Variants in ARHGAP15 observed in about 807,000 individuals in gnomAD.
ARHGAP15 encodes the protein Rho GTPase activating protein 15, also known as rho GTPase-activating protein 15.
ARHGAP15 carries 51 observed loss-of-function variants against 63.7 expected under a neutral mutation model. The ratio of observed to expected loss-of-function variants is 0.80; its 90% CI spans 0.64 to 1.01. ARHGAP15 has a LOEUF of 1.01. Ranked by LOEUF, ARHGAP15 falls within the 50% of genes least tolerant of loss-of-function variation. The pLI is 0.00. For missense variants in ARHGAP15, 560 were observed against 564.6 expected, an observed-to-expected ratio of 0.99 and a Z score of 0.08; for synonymous variants, 191 against 193.8, an observed-to-expected ratio of 0.99 and a Z score of 0.12.
rs553960698 is a variant in ARHGAP15 at position 143,284,605 on chromosome 2, G to A, written c.474+34005G>A. Among the ~76,000 whole-genome samples, 9 of 152,268 alleles carry A rather than the reference G, an allele frequency of 5.9e-5. No homozygotes were observed. In the South Asian group the frequency reaches 1.0e-3, roughly 18 times the overall value. On this transcript the variant is annotated intron_variant, in intron 6 of 13. Coordinates refer to ENST00000295095, the MANE Select transcript of ARHGAP15 (RefSeq NM_018460.4). ...ACAGATAACCCAAAAGAATGGAGCC[G>A]TTCCAGTGCGTCACAAGACTTTAGG...
At chr2:143,550,927 T>G (rs1695533846) in intron 10 of ARHGAP15, among the ~76,000 whole-genome samples, 1 of 151,774 alleles carries the variant, frequency 6.6e-6, no homozygotes. Flanking sequence ...GAAGTAAGAG[T>G]AAATATACTG....
At chr2:143,482,885 C>T (rs909788925) in intron 8 of ARHGAP15, among the ~76,000 whole-genome samples, 4 of 152,104 alleles carry the variant, frequency 2.6e-5, no homozygotes, top group Non-Finnish European at 5.9e-5. Context: ...CTTCTTAGAA[C>T]AAAATGAGTG....
chr2:143,667,856 C>T (rs1682305366), intron 12 of ARHGAP15, among the ~76,000 whole-genome samples: 1 of 151,904 alleles, frequency 6.6e-6, no homozygotes, highest in South Asian at 2.1e-4. Flanking sequence ...GGCTTGGTGG[C>T]ATGTGCCTGT....
chr2:143,432,926 C>G (rs1689450070), intron 6 of ARHGAP15, among the ~76,000 whole-genome samples: 1 of 151,938 alleles, frequency 6.6e-6, no homozygotes, highest in Non-Finnish European at 1.5e-5. Context: ...TAAGTTCTTC[C>G]TTCATCCCCT....
intron 13 of ARHGAP15, among the ~76,000 whole-genome samples, chr2:143,738,547 C>A (rs537056256): frequency 2.0e-5 from 3 of 152,214 alleles, no homozygotes; most frequent in Non-Finnish European, 4.4e-5. Context: ...ATCATGGAGA[C>A]TAACTGATCA....
intron 5 of ARHGAP15, chr2:143,238,433 C>A (rs1693737890): frequency 6.6e-6 from 1 of 151,992 alleles, no homozygotes; most frequent in Non-Finnish European, 1.5e-5. Context: ...AGCCAAAAAA[C>A]ATGAAAAAAA....
intron 6 of ARHGAP15, among the ~76,000 whole-genome samples, chr2:143,391,735 G>C (rs1001865636): frequency 2.6e-5 from 4 of 152,146 alleles, no homozygotes; most frequent in Non-Finnish European, 5.9e-5. Context: ...CCCTGAGAAG[G>C]AAGACTTGGA....
At chr2:143,679,109 G>A (rs1208910252) in intron 12 of ARHGAP15, among the ~76,000 whole-genome samples, 1 of 149,888 alleles carries the variant, frequency 6.7e-6, no homozygotes, top group Non-Finnish European at 1.5e-5. Flanking sequence ...ATCAGAATAG[G>A]TCAACCTATA....
At chr2:143,373,520 C>CT (rs1351391755) in intron 6 of ARHGAP15, among the ~76,000 whole-genome samples, 1 of 149,588 alleles carries the variant, frequency 6.7e-6, no homozygotes, top group Admixed American at 6.7e-5. Context: ...GTCCCAGCTG[C>CT]TTGGGAGGCT....
At chr2:143,331,772 ATT>A (rs1297377894) in intron 6 of ARHGAP15, among the ~76,000 whole-genome samples, 5 of 152,152 alleles carry the variant, frequency 3.3e-5, no homozygotes, top group African/African-American at 1.2e-4. Context: ...ATGGCTGGAT[ATT>A]TTAGCAGTAG....
At chr2:143,712,817 C>A (rs1399380280) in intron 13 of ARHGAP15, among the ~76,000 whole-genome samples, 27 of 130,712 alleles carry the variant, frequency 2.1e-4, no homozygotes, top group African/African-American at 7.6e-4. Flanking sequence ...AAAAAAAAAA[C>A]CCACAGGAAT....
At chr2:143,330,349 T>C (rs1684492321) in intron 6 of ARHGAP15, among the ~76,000 whole-genome samples, 1 of 151,850 alleles carries the variant, frequency 6.6e-6, no homozygotes. Flanking sequence ...TCCTAACATT[T>C]TCCCATCAAA....
At chr2:143,505,225 G>A (rs1559015381) in intron 9 of ARHGAP15, among the ~76,000 whole-genome samples, 1 of 152,166 alleles carries the variant, frequency 6.6e-6, no homozygotes, top group Non-Finnish European at 1.5e-5. Context: ...TGCCAATACA[G>A]TAGGCAGATC....
chr2:143,546,793 G>A (rs925592395), intron 10 of ARHGAP15, among the ~76,000 whole-genome samples: 1 of 152,110 alleles, frequency 6.6e-6, no homozygotes, highest in African/African-American at 2.4e-5. Context: ...AGAATAATAT[G>A]AGATAAACCA....
intron 10 of ARHGAP15, among the ~76,000 whole-genome samples, chr2:143,527,124 A>T (rs1310155211): frequency 6.6e-6 from 1 of 152,090 alleles, no homozygotes; most frequent in African/African-American, 2.4e-5. Context: ...AAAAAATGAC[A>T]TTTTCCAAGG....
At chr2:143,408,753 A>G (rs1688321134) in intron 6 of ARHGAP15, among the ~76,000 whole-genome samples, 2 of 151,974 alleles carry the variant, frequency 1.3e-5, no homozygotes, top group Non-Finnish European at 2.9e-5. Context: ...ATTAGAATGT[A>G]TACATATCTA....
intron 12 of ARHGAP15, among the ~76,000 whole-genome samples, chr2:143,679,627 T>C (rs1187898118): frequency 6.7e-6 from 1 of 149,556 alleles, no homozygotes; most frequent in Non-Finnish European, 1.5e-5. Flanking sequence ...ATGTTGTTTA[T>C]TTCTTGAATG....
At chr2:143,644,651 C>T (rs977053991) in intron 12 of ARHGAP15, among the ~76,000 whole-genome samples, 9 of 151,988 alleles carry the variant, frequency 5.9e-5, no homozygotes, top group Admixed American at 2.6e-4. Context: ...GTGACTGGAA[C>T]GTTGAATAGC....
intron 13 of ARHGAP15, among the ~76,000 whole-genome samples, chr2:143,704,280 G>A (rs1408744092): frequency 6.6e-6 from 1 of 152,186 alleles, no homozygotes; most frequent in Non-Finnish European, 1.5e-5. Context: ...CTGCTAAGTG[G>A]AGAATGCATT....
Sources: gnomAD v4.1 joint callset for allele counts (sites outside exome capture counted in the v4.1 genomes callset) on GRCh38, gnomAD v4.1.1 for gene constraint, MANE v1.5 for transcripts, NCBI Gene and HGNC (gene_info 2026-07-23, HGNC 2026-07-21) for gene names.